The following ANK3 variants were observed in gnomAD, a reference collection of about 807,000 sequenced individuals.
ANK3 encodes ankyrin-3.
In ANK3, 57 loss-of-function variants were observed where a neutral mutation model predicts 370.9. That is an observed-to-expected ratio of 0.15 (90% CI 0.12 to 0.19). ANK3 has a LOEUF of 0.19. Among genes scored for constraint, ANK3 ranks in the 10% least tolerant of loss-of-function variants. ANK3 has a pLI of 1.00. For missense variants in ANK3, 4,439 were observed against 5,302.1 expected, an observed-to-expected ratio of 0.84 and a Z score of 5.06; for synonymous variants, 1,929 against 1,946.3, an observed-to-expected ratio of 0.99 and a Z score of 0.23.
chr10:60,612,733 C>T (rs1315477430), intron 2 of ANK3, among the ~76,000 whole-genome samples: 1 of 152,064 alleles, frequency 6.6e-6, no homozygotes, highest in African/African-American at 2.4e-5. Context: ...CCTCGTGATC[C>T]ACCCGCCTTG....
intron 28 of ANK3, among the ~76,000 whole-genome samples, chr10:60,092,447 C>G (rs1189266826): frequency 6.6e-6 from 1 of 152,132 alleles, no homozygotes; most frequent in Non-Finnish European, 1.5e-5. Flanking sequence ...TTTTACGGAT[C>G]AACCACTAAA....
intron 2 of ANK3, among the ~76,000 whole-genome samples, chr10:60,404,944 T>G (rs2063423675): frequency 6.6e-6 from 1 of 151,392 alleles, no homozygotes; most frequent in Non-Finnish European, 1.5e-5. Flanking sequence ...ACATACAGAG[T>G]TGGGGACTAA....
chr10:60,058,914 C>G (rs972421834), intron 41 of ANK3, among the ~76,000 whole-genome samples: 1 of 152,116 alleles, frequency 6.6e-6, no homozygotes, highest in East Asian at 1.9e-4. Context: ...GACACCACAC[C>G]CAGCTGATTT....
chr10:60,572,910 G>C, intron 2 of ANK3: 1 of 1,016,868 alleles, frequency 9.8e-7, no homozygotes, highest in Non-Finnish European at 1.2e-6. Flanking sequence ...AAGAGAGAGA[G>C]AGACACACAC....
At chr10:60,300,121 AT>A (rs2043366933) in intron 1 of ANK3, among the ~76,000 whole-genome samples, 1 of 152,182 alleles carries the variant, frequency 6.6e-6, no homozygotes, top group Admixed American at 6.5e-5. Flanking sequence ...GGCAAAACAT[AT>A]CTAGAGTCCG....
intron 2 of ANK3, among the ~76,000 whole-genome samples, chr10:60,480,567 T>A (rs2133100008): frequency 6.6e-6 from 1 of 152,268 alleles, no homozygotes; most frequent in South Asian, 2.1e-4. Context: ...ATTCAGTCAT[T>A]CAGCAAATAT....
rs138255802 is a variant in ANK3 at position 60,200,184 on chromosome 10, G to A, written c.1436C>T (p.Ala479Val). 2 of 1,614,166 alleles carry A rather than the reference G, an allele frequency of 1.2e-6. No homozygotes were observed. Among genetic ancestry groups the A allele is most frequent in the African/African-American group, 2.7e-5 (2 of 75,032 alleles). ...ALHMAARSGQ[A>V]EVVRYLVQDG... ...TTGTACCAGATACCGCACAACTTCA[G>A]CTTGGCCGGAGCGAGCTGCCATGTG... The change falls in exon 13 of 44, where the codon GCT (alanine) becomes GTT (valine). Residue 479 changes from alanine (A) to valine (V), a missense_variant. Physicochemically the swap from Ala to Val is moderately conservative, Grantham distance 64. Around this residue, in one of 13 missense-constraint regions of ANK3, gnomAD observed 227 missense variants for 377.6 expected, o/e 0.60. Transcript: ENST00000280772.
chr10:60,274,228 C>T (rs1267070173), intron 4 of ANK3, among the ~76,000 whole-genome samples: 1 of 152,178 alleles, frequency 6.6e-6, no homozygotes, highest in Non-Finnish European at 1.5e-5. Flanking sequence ...CTTCTTTGGC[C>T]TCCCAAAGTG....
At chr10:60,631,996 G>A (rs1033801959) in intron 1 of ANK3, among the ~76,000 whole-genome samples, 1 of 152,106 alleles carries the variant, frequency 6.6e-6, no homozygotes, top group South Asian at 2.1e-4. Flanking sequence ...TTAAAGTCTA[G>A]TCTCAGCCAA....
rs1411381814 is a variant in ANK3, at chr10:60,069,146, C to T, written c.11735G>A (p.Arg3912Lys). 6.2e-7 allele frequency: 1 copy of T among 1,613,976 alleles called. No individual in the cohort carries two copies. The highest frequency in any genetic ancestry group is 8.5e-7 in the Non-Finnish European group (1 of 1,180,016). ...TTSSCVDVKS[R>K]IPVKNTHRDN... Reference sequence around the variant, plus strand: ...CCTGTGTGTGTTTTTCACTGGAATTCTGGACTTTACATCTACACATGAAGA... The same window carrying T: ...CCTGTGTGTGTTTTTCACTGGAATTTTGGACTTTACATCTACACATGAAGA... Residue 3912 changes from arginine (R) to lysine (K), a missense_variant, in exon 37 of 44, where the codon AGA (arginine) becomes AAA (lysine). Physicochemically the swap from Arg to Lys is conservative, Grantham distance 26. Around this residue, in one of 13 missense-constraint regions of ANK3, gnomAD observed 496 missense variants for 529.3 expected, o/e 0.94. Coordinates refer to ENST00000280772, the MANE Select transcript of ANK3 (RefSeq NM_020987.5).
chr10:60,464,034 A>C (rs1314655226), intron 2 of ANK3, among the ~76,000 whole-genome samples: 2 of 152,208 alleles, frequency 1.3e-5, no homozygotes, highest in Non-Finnish European at 2.9e-5. Flanking sequence ...TTTCACACAG[A>C]GATTTCTCTC....
Position 60,085,260 on chromosome 10 carries a change from GAAC to G in ANK3, c.3749-10_3749-8del. ...TGAGCAGGCGAAGTGCCCCCTGAGAGAACAACAGCAGATATGTTGACTTTATCA... is the reference window on the plus strand; with the variant it reads ...TGAGCAGGCGAAGTGCCCCCTGAGAGAACAGCAGATATGTTGACTTTATCA... On this transcript the variant is annotated splice_region_variant and splice_polypyrimidine_tract_variant and intron_variant, in intron 30 of 43. Coordinates refer to ENST00000280772, the MANE Select transcript of ANK3 (RefSeq NM_020987.5). The G allele has an allele frequency of 1.2e-6, 2 of 1,602,386 alleles. No homozygotes were observed. The highest frequency in any genetic ancestry group is 1.3e-5 in the African/African-American group (1 of 74,544).
intron 1 of ANK3, among the ~76,000 whole-genome samples, chr10:60,714,306 G>A (rs367865047): frequency 3.3e-4 from 50 of 152,170 alleles, no homozygotes; most frequent in African/African-American, 1.1e-3. Flanking sequence ...TGGTGACTTC[G>A]ACCAAAAATT....
At chr10:60,413,262 G>A (rs2063595875) in intron 2 of ANK3, among the ~76,000 whole-genome samples, 1 of 152,180 alleles carries the variant, frequency 6.6e-6, no homozygotes, top group African/African-American at 2.4e-5. Flanking sequence ...TGATGCTATG[G>A]CACATAGTAT....
exon 1 of ANK3, chr10:60,733,346 T>TCCAGGAACTCCAGTCTCTCCTC: frequency 8.1e-7 from 1 of 1,232,518 alleles, no homozygotes; most frequent in African/African-American, 1.6e-5. Flanking sequence ...TGCTGCTCCT[T>TCCAGGAACTCCAGTCTCTCCTC]CCAGGAACTC....
intron 2 of ANK3, among the ~76,000 whole-genome samples, chr10:60,442,444 T>G (rs1342155782): frequency 6.6e-6 from 1 of 152,206 alleles, no homozygotes; most frequent in South Asian, 2.1e-4. Context: ...TAATACATAA[T>G]ACAATGTAAA....
At chr10:60,224,085 G>GA (rs1391443075) in intron 8 of ANK3, among the ~76,000 whole-genome samples, 1 of 147,582 alleles carries the variant, frequency 6.8e-6, no homozygotes, top group Non-Finnish European at 1.5e-5. Context: ...ATCTCCAGTT[G>GA]AAAAATGCTA....
At chr10:60,689,331 C>G (rs762884051) in intron 1 of ANK3, among the ~76,000 whole-genome samples, 1 of 151,998 alleles carries the variant, frequency 6.6e-6, no homozygotes, top group Non-Finnish European at 1.5e-5. Flanking sequence ...CCTGGAAGGT[C>G]GAGGCTGCAG....
chr10:60,264,128 G>T, intron 5 of ANK3, 108 bp from the exon 6 acceptor site: 3 of 940,850 alleles, frequency 3.2e-6, no homozygotes, highest in Non-Finnish European at 4.6e-6. Context: ...TTTTGTTTGG[G>T]ATTATTAAAA....
Sources: allele counts gnomAD v4.1 joint callset (sites outside exome capture counted in the v4.1 genomes callset), GRCh38; gene constraint gnomAD v4.1.1; regional missense constraint gnomAD v4.1.1; transcripts MANE v1.5; gene names NCBI Gene and HGNC (gene_info 2026-07-23, HGNC 2026-07-21).